Variants in VPS36 observed in about 807,000 individuals in gnomAD.
The protein encoded by VPS36 is vacuolar protein sorting 36 homolog.
VPS36 carries 31 observed loss-of-function variants against 63.5 expected under a neutral mutation model. The ratio of observed to expected loss-of-function variants is 0.49; its 90% CI spans 0.37 to 0.66. The LOEUF is 0.66. Ranked by LOEUF, VPS36 falls within the 30% of genes least tolerant of loss-of-function variation. The probability of loss-of-function intolerance (pLI) is 0.00; values close to 1 mark genes in which losing one functional copy is unlikely to be tolerated. For synonymous variants in VPS36, 138 were observed against 157.2 expected (o/e 0.88, Z 0.91); for missense variants, 338 against 463.7 (o/e 0.73, Z 2.49).
At chr13:52,419,934 A>G (rs1412032108) in intron 10 of VPS36, among the ~76,000 whole-genome samples, 5 of 152,280 alleles carry the variant, frequency 3.3e-5, no homozygotes, top group South Asian at 4.1e-4. Flanking sequence ...TAATGGGTAC[A>G]AAAACACAAT....
At chr13:52,433,255 G>T (rs1958178779) in intron 6 of VPS36, among the ~76,000 whole-genome samples, 1 of 152,176 alleles carries the variant, frequency 6.6e-6, no homozygotes, top group South Asian at 2.1e-4. Flanking sequence ...TGATCCCTGG[G>T]TGGTCATCAA....
Position 52,433,730 on chromosome 13 carries a change from C to T in VPS36, c.460G>A (p.Val154Ile), listed in dbSNP as rs1340708870. The T allele has an allele frequency of 6.2e-7, 1 of 1,610,790 alleles. No homozygotes were observed. The highest frequency in any genetic ancestry group is 8.5e-7 in the Non-Finnish European group (1 of 1,179,084). The change falls in exon 6 of 14, where the codon GTA becomes ATA. Residue 154 changes from valine to isoleucine, a missense_variant. Physicochemically the swap from Val to Ile is conservative, Grantham distance 29. Coordinates refer to ENST00000378060, the MANE Select transcript of VPS36 (RefSeq NM_016075.4). ...TTCCTTTCAATACCTACAATTCCTA[C>T]AGCCCTTATTCTTCCTGGCTGAAAA... is the stretch of plus-strand genomic sequence containing the variant. ...RGPQPGRIRA[V>I]GIVGIERKLE...
intron 9 of VPS36, 148 bp from the exon 10 acceptor site, chr13:52,423,787 C>T (rs1008464366): frequency 1.6e-6 from 1 of 614,174 alleles, no homozygotes; most frequent in African/African-American, 1.9e-5. Context: ...AAAGGAGAAC[C>T]TATTCAGATA....
At chr13:52,419,683 A>C (rs1247353502) in intron 10 of VPS36, among the ~76,000 whole-genome samples, 1 of 152,204 alleles carries the variant, frequency 6.6e-6, no homozygotes, top group African/African-American at 2.4e-5. Context: ...ATCAAAGAGA[A>C]ATCTGCACTC....
Position 52,440,512 on chromosome 13 carries a change from C to T in VPS36, c.166-1344G>A, listed in dbSNP as rs141245672. ...TTCTCCACGTTGGTCAGGCTGGTCTCAAACTCCCAACATCAGGTGATCCGC... is the reference window on the plus strand; with the variant it reads ...TTCTCCACGTTGGTCAGGCTGGTCTTAAACTCCCAACATCAGGTGATCCGC... On this transcript the variant is annotated intron_variant, in intron 2 of 13. Coordinates refer to ENST00000378060, the MANE Select transcript of VPS36 (RefSeq NM_016075.4). 7.3e-3 allele frequency among the ~76,000 whole-genome samples: 1,115 copies of T among 152,170 alleles called. 5 individuals carry two copies. The highest frequency in any genetic ancestry group is 0.017 in the African/African-American group (693 of 41,514).
chr13:52,428,539 G>C (rs757015308), intron 6 of VPS36, among the ~76,000 whole-genome samples: 9 of 152,138 alleles, frequency 5.9e-5, no homozygotes, highest in Non-Finnish European at 5.9e-5. Flanking sequence ...TAAACAAAAG[G>C]CTTAAACACT....
At chr13:52,430,158 A>G (rs925737176) in intron 6 of VPS36, among the ~76,000 whole-genome samples, 14 of 152,348 alleles carry the variant, frequency 9.2e-5, no homozygotes, top group Admixed American at 6.5e-4. Context: ...TACACTAGAC[A>G]TTAGTGAATA....
chr13:52,436,928 C>G (rs925614234), intron 3 of VPS36, among the ~76,000 whole-genome samples: 1 of 152,144 alleles, frequency 6.6e-6, no homozygotes, highest in African/African-American at 2.4e-5. Flanking sequence ...TATCCAATAA[C>G]AAAAACAATT....
intron 3 of VPS36, among the ~76,000 whole-genome samples, chr13:52,437,309 C>G (rs1958229187): frequency 6.6e-6 from 1 of 152,158 alleles, no homozygotes; most frequent in Non-Finnish European, 1.5e-5. Context: ...AGGACTCCTC[C>G]TATTCCCTTG....
At chr13:52,418,858 T>C (rs944831789) in intron 10 of VPS36, among the ~76,000 whole-genome samples, 4 of 152,192 alleles carry the variant, frequency 2.6e-5, no homozygotes, top group African/African-American at 9.6e-5. Context: ...CAAATCAGCA[T>C]AGTGTGGTGA....
At chr13:52,435,990 T>C (rs575812844) in intron 4 of VPS36, 4 of 251,394 alleles carry the variant, frequency 1.6e-5, no homozygotes, top group South Asian at 2.3e-4. Flanking sequence ...TTAACTAAAC[T>C]ATACCACTGA....
rs1369651793 is a variant in VPS36, at chr13:52,427,054, C to T, written c.574G>A (p.Val192Met). Residue 192 changes from valine (V) to methionine (M), a missense_variant, in exon 8 of 14, where the codon GTG (valine) becomes ATG (methionine). By Grantham distance (21) the Val-to-Met change is conservative (BLOSUM62 1). Coordinates refer to ENST00000378060, the MANE Select transcript of VPS36 (RefSeq NM_016075.4). Reference protein sequence around the residue: ...SKLMIKAKEMVELSKSIANKI... With the variant: ...SKLMIKAKEMMELSKSIANKI... ...TTAGCAATTGATTTTGATAATTCCA[C>T]CATTTCCTTAGCCTGTCAAATAAAA... The T allele has an allele frequency of 2.4e-5, 38 of 1,612,552 alleles. No individual in the cohort carries two copies. Among genetic ancestry groups the T allele is most frequent in the Non-Finnish European group, 3.0e-5 (35 of 1,179,358 alleles).
intron 1 of VPS36, among the ~76,000 whole-genome samples, chr13:52,446,858 T>C (rs1958348574): frequency 6.6e-6 from 1 of 151,138 alleles, no homozygotes; most frequent in Admixed American, 6.6e-5. Flanking sequence ...CAATTCCTCA[T>C]GCTAATTAGG....
chr13:52,428,722 TATAAG>T (rs1486532886), intron 6 of VPS36, among the ~76,000 whole-genome samples: 30 of 152,130 alleles, frequency 2.0e-4, no homozygotes, highest in Admixed American at 1.2e-3. Context: ...ACTTTTAATA[TATAAG>T]ATATTAATAG....
intron 1 of VPS36, among the ~76,000 whole-genome samples, chr13:52,446,968 C>T (rs1025440849): frequency 2.0e-5 from 3 of 151,286 alleles, no homozygotes; most frequent in Admixed American, 1.3e-4. Context: ...CTCTGCCATC[C>T]GGGTTCAAGC....
In VPS36 at chr13:52,436,343, T is replaced by A. The variant is rs371106659; in HGVS notation, c.298A>T (p.Ser100Cys). ...PPNKEPGPFQSSKNSYIKLSF... is the reference protein window; with the variant it reads ...PPNKEPGPFQCSKNSYIKLSF... ...AGTTTGATGTAGGAGTTCTTACTAC[T>A]CTGGAATGGGCCAGGTTCTTTGTTA... Residue 100 changes from serine (S) to cysteine (C), a missense_variant, in exon 4 of 14, where the codon AGT becomes TGT. Physicochemically the swap from Ser to Cys is moderately radical, Grantham distance 112. Coordinates refer to ENST00000378060, the MANE Select transcript of VPS36 (RefSeq NM_016075.4). 11 of 1,613,422 alleles carry A rather than the reference T, an allele frequency of 6.8e-6. No individual in the cohort carries two copies. Among genetic ancestry groups the A allele is most frequent in the African/African-American group, 1.3e-5 (1 of 74,892 alleles).
intron 6 of VPS36, among the ~76,000 whole-genome samples, chr13:52,430,086 A>G (rs1002870302): frequency 3.9e-5 from 6 of 152,190 alleles, no homozygotes; most frequent in Non-Finnish European, 8.8e-5. Flanking sequence ...AATCAGAAAT[A>G]GGTGACAGGA....
intron 1 of VPS36, among the ~76,000 whole-genome samples, chr13:52,445,689 G>A (rs1176823941): frequency 7.3e-6 from 1 of 137,414 alleles, no homozygotes; most frequent in Non-Finnish European, 1.6e-5. Context: ...TGTAATCCCA[G>A]CACTTTGGGA....
At chr13:52,448,585 C>T (rs145464486) in intron 1 of VPS36, among the ~76,000 whole-genome samples, 3 of 152,320 alleles carry the variant, frequency 2.0e-5, no homozygotes, top group East Asian at 3.9e-4. Context: ...TTTCTTAAAC[C>T]TCTGACATCT....
Sources: allele counts gnomAD v4.1 joint callset (sites outside exome capture counted in the v4.1 genomes callset), GRCh38; gene constraint gnomAD v4.1.1; transcripts MANE v1.5; gene names NCBI Gene and HGNC (gene_info 2026-07-23, HGNC 2026-07-21).